CNTNAP5: variants seen among roughly 807,000 people sequenced by gnomAD.
CNTNAP5 encodes the protein contactin-associated protein-like 5.
Under a neutral mutation model 150.2 loss-of-function variants are expected in CNTNAP5, and 72 were observed. That is an observed-to-expected ratio of 0.48 (90% CI 0.40 to 0.58). The LOEUF is 0.58. CNTNAP5 is among the 20% of genes least tolerant of loss of function. CNTNAP5 has a pLI of 0.00. For synonymous variants in CNTNAP5, 672 were observed against 619.8 expected (o/e 1.08, Z -1.25); for missense variants, 1,636 against 1,626.2 (o/e 1.01, Z -0.10).
At chr2:124,546,499 T>A (rs1164332959) in intron 10 of CNTNAP5, among the ~76,000 whole-genome samples, 2 of 152,252 alleles carry the variant, frequency 1.3e-5, no homozygotes, top group East Asian at 3.9e-4. Context: ...AACTACTCAT[T>A]CACATAAGGA....
intron 19 of CNTNAP5, among the ~76,000 whole-genome samples, chr2:124,799,700 C>A (rs1167829579): frequency 6.6e-6 from 1 of 152,128 alleles, no homozygotes; most frequent in African/African-American, 2.4e-5. Flanking sequence ...ATCTTGCTTT[C>A]CAGCTATTTA....
chr2:124,881,579 A>G (rs1677965520), intron 21 of CNTNAP5, among the ~76,000 whole-genome samples: 1 of 152,070 alleles, frequency 6.6e-6, no homozygotes, highest in Non-Finnish European at 1.5e-5. Flanking sequence ...GGATTTGAGA[A>G]ATCCCTGTCA....
intron 3 of CNTNAP5, among the ~76,000 whole-genome samples, chr2:124,331,294 T>A (rs1454795588): frequency 6.6e-6 from 1 of 152,088 alleles, no homozygotes; most frequent in African/African-American, 2.4e-5. Context: ...CTTATATTTG[T>A]AGCCGACAAT....
chr2:124,743,988 A>G (rs1382507220), intron 13 of CNTNAP5, among the ~76,000 whole-genome samples: 2 of 152,164 alleles, frequency 1.3e-5, no homozygotes, highest in Non-Finnish European at 2.9e-5. Flanking sequence ...CTTTTCATCA[A>G]AGTCTTTCCT....
Position 124,127,887 on chromosome 2 carries a change from T to A in CNTNAP5, c.83-93818T>A, listed in dbSNP as rs527881142. On this transcript the variant is annotated intron_variant, in intron 1 of 23. Transcript: ENST00000682447. ...GAAAGCTGAAACTGGATCCCTTCCT[T>A]ACACCTTATACAAAAATTAATTCAA... 2.8e-3 allele frequency among the ~76,000 whole-genome samples: 427 copies of A among 152,302 alleles called. 2 individuals are homozygous for A. Among genetic ancestry groups the A allele is most frequent in the African/African-American group, 9.9e-3 (412 of 41,560 alleles).
chr2:124,352,125 C>A (rs1193286459), intron 3 of CNTNAP5, among the ~76,000 whole-genome samples: 1 of 151,836 alleles, frequency 6.6e-6, no homozygotes, highest in African/African-American at 2.4e-5. Context: ...ACAGGACAGG[C>A]ACACAAGATA....
intron 20 of CNTNAP5, among the ~76,000 whole-genome samples, chr2:124,867,444 G>T (rs894858761): frequency 6.6e-6 from 1 of 152,104 alleles, no homozygotes; most frequent in African/African-American, 2.4e-5. Flanking sequence ...GCATCATTGT[G>T]CTTACCTGGC....
chr2:124,910,848 C>T (rs1678640040), intron 22 of CNTNAP5, among the ~76,000 whole-genome samples: 1 of 151,954 alleles, frequency 6.6e-6, no homozygotes, highest in Non-Finnish European at 1.5e-5. Context: ...GGTATTACTA[C>T]TCTCCTTTAA....
At chr2:124,126,315 G>T (rs1175680993) in intron 1 of CNTNAP5, among the ~76,000 whole-genome samples, 1 of 152,158 alleles carries the variant, frequency 6.6e-6, no homozygotes, top group African/African-American at 2.4e-5. Flanking sequence ...TAGAAGAAAT[G>T]GATAAATTCC....
At chr2:124,116,456 C>T (rs1327978718) in intron 1 of CNTNAP5, among the ~76,000 whole-genome samples, 1 of 152,138 alleles carries the variant, frequency 6.6e-6, no homozygotes, top group South Asian at 2.1e-4. Context: ...GGGCTAGCAG[C>T]TGGACATCCA....
chr2:124,260,897 A>G (rs1687436701), intron 3 of CNTNAP5, among the ~76,000 whole-genome samples: 1 of 152,168 alleles, frequency 6.6e-6, no homozygotes, highest in South Asian at 2.1e-4. Flanking sequence ...ACACAAATGG[A>G]GTGCAATTGT....
At chr2:124,397,206 T>C (rs1159073434) in intron 3 of CNTNAP5, among the ~76,000 whole-genome samples, 11 of 152,222 alleles carry the variant, frequency 7.2e-5, no homozygotes, top group Admixed American at 7.2e-4. Context: ...TTGACAATTC[T>C]AGAGCCTTTC....
chr2:124,479,065 C>T (rs150374895), intron 7 of CNTNAP5, among the ~76,000 whole-genome samples: 1 of 152,234 alleles, frequency 6.6e-6, no homozygotes, highest in African/African-American at 2.4e-5. Context: ...CAAGACAATT[C>T]TCCACATCCC....
At chr2:124,264,373 GGCACAC>G (rs1687544691) in intron 3 of CNTNAP5, among the ~76,000 whole-genome samples, 1 of 46,272 alleles carries the variant, frequency 2.2e-5, no homozygotes, top group Admixed American at 3.4e-4. Context: ...CACACACACA[GGCACAC>G]ACACACACAT....
At chr2:124,707,140 GGAA>G (rs76714465) in intron 13 of CNTNAP5, among the ~76,000 whole-genome samples, 4,131 of 86,356 alleles carry the variant, frequency 0.048, 263 homozygotes, top group African/African-American at 0.061. Context: ...AAGAAGAAGA[GGAA>G]GAAGAAGAAG....
intron 5 of CNTNAP5, 138 bp downstream of exon 5, chr2:124,434,825 G>GT: frequency 1.4e-6 from 1 of 718,306 alleles, no homozygotes; most frequent in East Asian, 2.7e-5. Context: ...GGATAGAAAT[G>GT]TTTAAGGCAT....
intron 3 of CNTNAP5, among the ~76,000 whole-genome samples, chr2:124,310,407 CT>C (rs748479458): frequency 1.3e-5 from 2 of 152,176 alleles, no homozygotes; most frequent in East Asian, 1.9e-4. Flanking sequence ...TCTTTCCCCT[CT>C]ATTAATAATA....
chr2:124,472,212 A>G (rs1237659890), intron 6 of CNTNAP5, among the ~76,000 whole-genome samples: 1 of 152,098 alleles, frequency 6.6e-6, no homozygotes. Context: ...TCATCAGTAG[A>G]TCAAACAAAA....
chr2:124,842,216 G>T (rs1682958139), intron 19 of CNTNAP5, among the ~76,000 whole-genome samples: 1 of 151,956 alleles, frequency 6.6e-6, no homozygotes, highest in Admixed American at 6.6e-5. Context: ...ACTCTAATTG[G>T]GTCTCAGAAG....
Sources: gnomAD v4.1 joint callset for allele counts (sites outside exome capture counted in the v4.1 genomes callset) on GRCh38, gnomAD v4.1.1 for gene constraint, MANE v1.5 for transcripts, NCBI Gene and HGNC (gene_info 2026-07-23, HGNC 2026-07-21) for gene names.